TRPC7: variants seen among roughly 807,000 people sequenced by gnomAD.
TRPC7 encodes transient receptor potential cation channel subfamily C member 7.
A neutral mutation model predicts 90.1 loss-of-function variants in TRPC7; 42 were observed. The observed-to-expected ratio is 0.47, with a 90% CI of 0.36 to 0.60. The LOEUF (loss-of-function observed/expected upper bound fraction) is 0.60, where lower values mean the gene tolerates loss of function less well. TRPC7 is among the 20% of genes least tolerant of loss of function. TRPC7 has a pLI of 0.00. For missense variants in TRPC7, 955 were observed against 1,112.3 expected, an observed-to-expected ratio of 0.86 and a Z score of 2.01; for synonymous variants, 451 against 436.3, an observed-to-expected ratio of 1.03 and a Z score of -0.42.
intron 5 of TRPC7, among the ~76,000 whole-genome samples, chr5:136,265,148 T>C (rs142189385): frequency 1.3e-5 from 2 of 152,300 alleles, no homozygotes; most frequent in East Asian, 3.9e-4. Context: ...CTACTGTGAT[T>C]TTGTTGATTT....
chr5:136,278,851 GAGATTCTATCTGGATGCCTCTAT>G (rs1406410716), intron 3 of TRPC7, among the ~76,000 whole-genome samples: 14 of 152,184 alleles, frequency 9.2e-5, no homozygotes, highest in African/African-American at 3.4e-4. Context: ...TCATTGCTTG[GAGATTCTATCTGGATGCCTCTAT>G]AGACGTCTGA....
rs202095828 is a variant in TRPC7 at position 136,299,300 on chromosome 5, C to CAAA, written c.963+16294_963+16296dup. 5.4e-4 allele frequency among the ~76,000 whole-genome samples: 57 copies of CAAA among 104,994 alleles called. 1 individual carries two copies. Among genetic ancestry groups the CAAA allele is most frequent in the Admixed American group, 8.9e-4 (9 of 10,070 alleles). 68.9% of individuals were successfully genotyped at this position (104,994 alleles called of 152,430 possible). Reference sequence around the variant, plus strand: ...TCGCAACAAGAGCAAAATTCTGTCTCAAAAAAAAAAAAAAGAAATTTCTCT... The same window carrying CAAA: ...TCGCAACAAGAGCAAAATTCTGTCTCAAAAAAAAAAAAAAAAAGAAATTTCTCT... On this transcript the variant is annotated intron_variant, in intron 3 of 11. Coordinates refer to ENST00000513104, the MANE Select transcript of TRPC7 (RefSeq NM_020389.3).
intron 3 of TRPC7, among the ~76,000 whole-genome samples, chr5:136,290,999 A>G (rs1757927331): frequency 6.6e-6 from 1 of 152,244 alleles, no homozygotes; most frequent in South Asian, 2.1e-4. Context: ...ACATTCTGAA[A>G]GAAAAGAATT....
intron 5 of TRPC7, among the ~76,000 whole-genome samples, chr5:136,261,147 G>A (rs1319697797): frequency 1.3e-5 from 2 of 152,088 alleles, no homozygotes; most frequent in Admixed American, 6.6e-5. Flanking sequence ...CCAGCACAAA[G>A]ACCCTTCTCA....
chr5:136,330,521 T>C (rs1759467542), intron 2 of TRPC7, among the ~76,000 whole-genome samples: 1 of 152,226 alleles, frequency 6.6e-6, no homozygotes, highest in African/African-American at 2.4e-5. Context: ...ACTGCCCTTG[T>C]AGTGCTCTAA....
intron 1 of TRPC7, among the ~76,000 whole-genome samples, chr5:136,363,661 T>C (rs1760636809): frequency 6.6e-6 from 1 of 152,190 alleles, no homozygotes; most frequent in South Asian, 2.1e-4. Flanking sequence ...CATCTTGGAA[T>C]AAAAATATTA....
In TRPC7 at chr5:136,356,915, C is replaced by G; in HGVS notation, c.473G>C (p.Gly158Ala). ...CGTGATGTCGTGGGAGAAGCGCGTGCCGTCCTCGTCGTAGGCATAGAAGTC... is the reference window on the plus strand; with the variant it reads ...CGTGATGTCGTGGGAGAAGCGCGTGGCGTCCTCGTCGTAGGCATAGAAGTC... Reference protein sequence around the residue: ...DDDFYAYDEDGTRFSHDITPI... With the variant: ...DDDFYAYDEDATRFSHDITPI... Residue 158 changes from glycine (G) to alanine (A), a missense_variant, in exon 2 of 12, where the codon GGC becomes GCC. By Grantham distance (60) the Gly-to-Ala change is moderately conservative. This residue lies in a region of TRPC7 where 484 missense variants were observed against 509.6 expected (regional missense o/e 0.95). Transcript: ENST00000513104. 1.2e-6 allele frequency: 2 copies of G among 1,613,678 alleles called. No homozygotes were observed. Among genetic ancestry groups the G allele is most frequent in the Non-Finnish European group, 1.7e-6 (2 of 1,179,940 alleles).
intron 3 of TRPC7, among the ~76,000 whole-genome samples, chr5:136,305,482 C>G (rs1478558836): frequency 6.6e-6 from 1 of 152,062 alleles, no homozygotes; most frequent in African/African-American, 2.4e-5. Context: ...GGCCCCCTCC[C>G]TTCCCTACAC....
In TRPC7 at chr5:136,299,065, C is replaced by T. The variant is rs1038652515; in HGVS notation, c.963+16532G>A. 5.3e-5 allele frequency among the ~76,000 whole-genome samples: 8 copies of T among 151,734 alleles called. No homozygotes were observed. The East Asian group carries it at 7.7e-4, about 15-fold the overall frequency. On this transcript the variant is annotated intron_variant, in intron 3 of 11. Coordinates refer to ENST00000513104, the MANE Select transcript of TRPC7 (RefSeq NM_020389.3). ...TTGTAATCCCAGCAATTTGGGAGGC[C>T]GAAGTTGGGGGTGGTCACCTGAGGT...
chr5:136,252,327 G>GT (rs567078115), intron 5 of TRPC7, among the ~76,000 whole-genome samples: 8 of 151,710 alleles, frequency 5.3e-5, no homozygotes, highest in South Asian at 4.2e-4. Context: ...TAGAACTATG[G>GT]TTTTTTTTGG....
At chr5:136,300,365 C>T (rs537048491) in intron 3 of TRPC7, among the ~76,000 whole-genome samples, 9 of 152,282 alleles carry the variant, frequency 5.9e-5, no homozygotes, top group Non-Finnish European at 1.0e-4. Context: ...GGAGTACTCC[C>T]GAGACCCATT....
intron 10 of TRPC7, among the ~76,000 whole-genome samples, chr5:136,223,539 G>A (rs1755528507): frequency 6.6e-6 from 1 of 152,156 alleles, no homozygotes; most frequent in African/African-American, 2.4e-5. Context: ...CTTGAACCTG[G>A]GAGGCGGAGG....
At chr5:136,229,851 ATCT>A (rs933528323) in intron 8 of TRPC7, among the ~76,000 whole-genome samples, 8 of 152,090 alleles carry the variant, frequency 5.3e-5, no homozygotes, top group African/African-American at 9.7e-5. Context: ...CCCATTTCAG[ATCT>A]TCTCTCCTTT....
chr5:136,316,397 C>T (rs1044709862), intron 2 of TRPC7, among the ~76,000 whole-genome samples: 7 of 152,104 alleles, frequency 4.6e-5, no homozygotes, highest in African/African-American at 9.7e-5. Flanking sequence ...GCCAGAAAAT[C>T]GGCTTGTAAA....
At chr5:136,360,184 G>A (rs933307190) in intron 1 of TRPC7, among the ~76,000 whole-genome samples, 6 of 152,098 alleles carry the variant, frequency 3.9e-5, no homozygotes, top group Non-Finnish European at 5.9e-5. Flanking sequence ...CAAGGAACAC[G>A]TAAGTACTCA....
intron 2 of TRPC7, among the ~76,000 whole-genome samples, chr5:136,337,273 A>G (rs753312271): frequency 1.3e-5 from 2 of 152,210 alleles, no homozygotes; most frequent in Non-Finnish European, 2.9e-5. Context: ...AGGAGATACT[A>G]TTTAGAGGAA....
At chr5:136,214,996 T>C (rs919389047) in intron 11 of TRPC7, among the ~76,000 whole-genome samples, 4 of 152,164 alleles carry the variant, frequency 2.6e-5, no homozygotes, top group African/African-American at 9.7e-5. Flanking sequence ...CTTCAGTGTA[T>C]ATCAGAGACC....
At chr5:136,315,859 G>T (rs932745346) in intron 2 of TRPC7, 80 bp from the exon 3 acceptor site, 1 of 1,373,266 alleles carries the variant, frequency 7.3e-7, no homozygotes, top group Non-Finnish European at 1.0e-6. Flanking sequence ...GTGTCGATCA[G>T]CAACTGCTCA....
chr5:136,246,333 C>T (rs1283360341), intron 7 of TRPC7, among the ~76,000 whole-genome samples: 1 of 152,234 alleles, frequency 6.6e-6, no homozygotes, highest in Non-Finnish European at 1.5e-5. Context: ...CAACCACTCG[C>T]AGACCTGCCT....
Sources: allele counts gnomAD v4.1 joint callset (sites outside exome capture counted in the v4.1 genomes callset), GRCh38; gene constraint gnomAD v4.1.1; regional missense constraint gnomAD v4.1.1; transcripts MANE v1.5; gene names NCBI Gene and HGNC (gene_info 2026-07-23, HGNC 2026-07-21).